Variants in NAA11 observed in about 807,000 individuals in gnomAD.
The protein encoded by NAA11 is N-alpha-acetyltransferase 11, NatA catalytic subunit, also known as N-alpha-acetyltransferase 11.
In NAA11, 15 loss-of-function variants were observed where a neutral mutation model predicts 16.1. That is an observed-to-expected ratio of 0.93 (90% confidence interval 0.62 to 1.44). NAA11 has a LOEUF of 1.44. NAA11 is among the 40% of genes most tolerant of loss of function. The pLI is 0.00. For synonymous variants in NAA11, 122 were observed against 112.4 expected (o/e 1.09, Z -0.54); for missense variants, 298 against 291.3 (o/e 1.02, Z -0.17).
intron 2 of NAA11, among the ~76,000 whole-genome samples, chr4:79,235,649 G>T (rs528876857): frequency 1.3e-5 from 2 of 152,142 alleles, no homozygotes; most frequent in African/African-American, 4.8e-5. Flanking sequence ...TGACAATTTT[G>T]GGAAATCAGA....
intron 2 of NAA11, among the ~76,000 whole-genome samples, chr4:79,290,257 G>A (rs1013592566): frequency 4.6e-5 from 7 of 152,194 alleles, no homozygotes; most frequent in Admixed American, 1.3e-4. Context: ...GGAGATGGGA[G>A]GAAGATACGG....
At chr4:79,236,151 A>G (rs1290767066) in intron 2 of NAA11, among the ~76,000 whole-genome samples, 1 of 152,122 alleles carries the variant, frequency 6.6e-6, no homozygotes, top group Non-Finnish European at 1.5e-5. Context: ...TCTTTGGTTA[A>G]CATTTTATAT....
intron 2 of NAA11, among the ~76,000 whole-genome samples, chr4:79,249,079 A>T (rs1721926774): frequency 6.6e-6 from 1 of 152,208 alleles, no homozygotes; most frequent in Non-Finnish European, 1.5e-5. Context: ...GTTACAGCAC[A>T]TGGCCCCAGA....
chr4:79,243,907 C>T (rs528840351), intron 2 of NAA11, among the ~76,000 whole-genome samples: 1 of 152,358 alleles, frequency 6.6e-6, no homozygotes, highest in Non-Finnish European at 1.5e-5. Context: ...TCCCATGATT[C>T]TTCCCTTAGG....
At chr4:79,229,379 G>A (rs1463764896) in intron 2 of NAA11, among the ~76,000 whole-genome samples, 1 of 113,854 alleles carries the variant, frequency 8.8e-6, no homozygotes, top group Non-Finnish European at 2.0e-5. Context: ...ATATAAGTGG[G>A]ACTATTTCTG....
the NAA11 span, among the ~76,000 whole-genome samples, chr4:79,195,650 G>T: frequency 6.6e-6 from 1 of 152,018 alleles, no homozygotes; most frequent in Non-Finnish European, 1.5e-5. Context: ...GATATGGTTT[G>T]GCTGTGCCCC....
chr4:79,191,137 G>A, the NAA11 span, among the ~76,000 whole-genome samples: 21 of 152,062 alleles, frequency 1.4e-4, no homozygotes, highest in South Asian at 2.1e-4. Context: ...GAACGTTCGC[G>A]TGCATGTGTC....
intron 2 of NAA11, among the ~76,000 whole-genome samples, chr4:79,253,089 T>C (rs1722031410): frequency 6.6e-6 from 1 of 152,174 alleles, no homozygotes; most frequent in Non-Finnish European, 1.5e-5. Flanking sequence ...ACAAGACTTT[T>C]GGTTGATTTT....
chr4:79,184,925 ATTATT>A, the NAA11 span, among the ~76,000 whole-genome samples: 1 of 152,202 alleles, frequency 6.6e-6, no homozygotes, highest in African/African-American at 2.4e-5. Context: ...GATGAAAACA[ATTATT>A]TTATTAACTA....
chr4:79,250,949 A>C (rs1262304470), intron 2 of NAA11, among the ~76,000 whole-genome samples: 10 of 152,208 alleles, frequency 6.6e-5, no homozygotes, highest in Middle Eastern at 3.2e-3. Flanking sequence ...GAATGGCTAT[A>C]ATTAAAAAGT....
intron 2 of NAA11, among the ~76,000 whole-genome samples, chr4:79,235,205 A>G (rs1205659931): frequency 2.6e-5 from 4 of 152,090 alleles, no homozygotes; most frequent in Non-Finnish European, 1.5e-5. Context: ...AAAAGACCCC[A>G]TCCCTTTGGG....
At chr4:79,277,816 T>C (rs190386302) in intron 2 of NAA11, among the ~76,000 whole-genome samples, 3 of 152,156 alleles carry the variant, frequency 2.0e-5, no homozygotes, top group Admixed American at 2.0e-4. Context: ...AGGAGCCACA[T>C]GCGTCAGGGA....
At chr4:79,171,535 G>A in the NAA11 span, among the ~76,000 whole-genome samples, 3,731 of 152,158 alleles carry the variant, frequency 0.025, 154 homozygotes, top group African/African-American at 0.086. Flanking sequence ...GATAAAATAT[G>A]GGCAAATACA....
intron 2 of NAA11, among the ~76,000 whole-genome samples, chr4:79,246,314 A>G (rs1383323027): frequency 6.7e-6 from 1 of 149,492 alleles, no homozygotes; most frequent in African/African-American, 2.5e-5. Flanking sequence ...TCTCTCCACT[A>G]TTGTCCTATG....
At chr4:79,276,663 G>A (rs894574871) in intron 2 of NAA11, among the ~76,000 whole-genome samples, 18 of 152,126 alleles carry the variant, frequency 1.2e-4, no homozygotes, top group Admixed American at 6.6e-4. Context: ...CCGAATAACT[G>A]GAGTGGCACT....
At chr4:79,270,464 T>A (rs1489322452) in intron 2 of NAA11, among the ~76,000 whole-genome samples, 3 of 148,700 alleles carry the variant, frequency 2.0e-5, no homozygotes, top group Non-Finnish European at 4.5e-5. Context: ...GAGGAACTGG[T>A]ACCATTCCTT....
At chr4:79,230,658 C>T (rs1721441015) in intron 2 of NAA11, among the ~76,000 whole-genome samples, 1 of 151,912 alleles carries the variant, frequency 6.6e-6, no homozygotes, top group Non-Finnish European at 1.5e-5. Context: ...AGACTGCTGC[C>T]CTGACATTGG....
At chr4:79,294,373 T>C (rs996501310) in intron 1 of NAA11, among the ~76,000 whole-genome samples, 2 of 152,158 alleles carry the variant, frequency 1.3e-5, no homozygotes, top group Non-Finnish European at 2.9e-5. Context: ...AATTAACCAA[T>C]GTTTGTGGAG....
chr4:79,268,238 A>G (rs1722394847), intron 2 of NAA11, among the ~76,000 whole-genome samples: 1 of 152,178 alleles, frequency 6.6e-6, no homozygotes, highest in East Asian at 1.9e-4. Context: ...ATGGCCTTAC[A>G]TATCAATAGA....
Sources: gnomAD v4.1 joint callset for allele counts (sites outside exome capture counted in the v4.1 genomes callset) on GRCh38, gnomAD v4.1.1 for gene constraint, MANE v1.5 for transcripts, NCBI Gene and HGNC (gene_info 2026-07-23, HGNC 2026-07-21) for gene names.